The following SLC35F1 variants were observed in gnomAD, a reference collection of about 807,000 sequenced individuals.
The protein encoded by SLC35F1 is solute carrier family 35 member F1, also known as chromosome 6 open reading frame 169.
Under a neutral mutation model 48.7 loss-of-function variants are expected in SLC35F1, and 14 were observed. The observed-to-expected ratio is 0.29, with a 90% CI of 0.19 to 0.45. The LOEUF is 0.45. Ranked by LOEUF, SLC35F1 falls within the 20% of genes least tolerant of loss-of-function variation. SLC35F1 has a pLI of 1.00. For synonymous variants in SLC35F1, 190 were observed against 202.2 expected (o/e 0.94, Z 0.51); for missense variants, 404 against 500.0 (o/e 0.81, Z 1.83).
intron 4 of SLC35F1, among the ~76,000 whole-genome samples, chr6:118,273,007 G>A (rs1279558368): frequency 2.0e-5 from 3 of 148,464 alleles, no homozygotes; most frequent in Admixed American, 1.3e-4. Context: ...TATATGTATA[G>A]GTACCTACTT....
At chr6:118,281,763 G>A (rs1372582409) in intron 6 of SLC35F1, among the ~76,000 whole-genome samples, 1 of 152,098 alleles carries the variant, frequency 6.6e-6, no homozygotes, top group African/African-American at 2.4e-5. Flanking sequence ...TCACCCATTT[G>A]AACACCTTTG....
chr6:118,021,236 T>C (rs1326492686), intron 1 of SLC35F1, among the ~76,000 whole-genome samples: 1 of 152,098 alleles, frequency 6.6e-6, no homozygotes, highest in Non-Finnish European at 1.5e-5. Context: ...TTTTAGAGAT[T>C]GAGTAGAGTA....
intron 3 of SLC35F1, among the ~76,000 whole-genome samples, chr6:118,236,393 C>T (rs1405790084): frequency 6.6e-6 from 1 of 152,094 alleles, no homozygotes; most frequent in Non-Finnish European, 1.5e-5. Flanking sequence ...TAATTCCATA[C>T]CATTGCAAAG....
intron 1 of SLC35F1, among the ~76,000 whole-genome samples, chr6:117,908,340 C>T (rs932961391): frequency 6.6e-6 from 1 of 152,198 alleles, no homozygotes; most frequent in African/African-American, 2.4e-5. Context: ...TCGTGCTGTC[C>T]TCCGCCCCGC....
intron 1 of SLC35F1, among the ~76,000 whole-genome samples, chr6:117,983,133 A>T (rs1043072455): frequency 9.2e-5 from 14 of 152,144 alleles, no homozygotes; most frequent in African/African-American, 3.4e-4. Context: ...AGAAAAATAT[A>T]ATTTTTCCCT....
At chr6:117,907,932 G>A (rs1582554983) in intron 1 of SLC35F1, 33 bp downstream of exon 1, 2 of 1,298,304 alleles carry the variant, frequency 1.5e-6, no homozygotes, top group Non-Finnish European at 9.7e-7. Flanking sequence ...GGCGCGGGGG[G>A]CGGGGGCTGC....
At chr6:118,043,306 G>C (rs189668990) in intron 1 of SLC35F1, among the ~76,000 whole-genome samples, 1 of 151,552 alleles carries the variant, frequency 6.6e-6, no homozygotes, top group East Asian at 2.0e-4. Context: ...AAGCTCATTG[G>C]TTAAGTGCCA....
intron 2 of SLC35F1, among the ~76,000 whole-genome samples, chr6:118,217,903 T>C (rs1775096771): frequency 6.6e-6 from 1 of 152,192 alleles, no homozygotes; most frequent in Admixed American, 6.5e-5. Flanking sequence ...ATTTACCTGA[T>C]AATGCCAGCC....
chr6:118,227,333 T>G (rs938720575), intron 2 of SLC35F1, among the ~76,000 whole-genome samples: 2 of 152,012 alleles, frequency 1.3e-5, no homozygotes, highest in Non-Finnish European at 2.9e-5. Context: ...TCAAGAGGAG[T>G]TGCTCAAAAA....
At chr6:118,042,768 G>C (rs1772244323) in intron 1 of SLC35F1, among the ~76,000 whole-genome samples, 1 of 152,128 alleles carries the variant, frequency 6.6e-6, no homozygotes, top group Non-Finnish European at 1.5e-5. Flanking sequence ...AACAGGAAGG[G>C]CTCGATCTAA....
intron 1 of SLC35F1, among the ~76,000 whole-genome samples, chr6:118,038,437 G>A (rs548223241): frequency 3.9e-5 from 6 of 151,970 alleles, no homozygotes; most frequent in East Asian, 1.9e-4. Flanking sequence ...TTTTGGTAGG[G>A]ATTGTGTCAA....
intron 6 of SLC35F1, among the ~76,000 whole-genome samples, chr6:118,283,710 A>C (rs185957908): frequency 2.6e-5 from 4 of 152,316 alleles, no homozygotes; most frequent in African/African-American, 9.6e-5. Context: ...TTTAAGGAGT[A>C]CCAAATTAAT....
At chr6:118,134,685 G>A (rs966906936) in intron 1 of SLC35F1, among the ~76,000 whole-genome samples, 1 of 152,184 alleles carries the variant, frequency 6.6e-6, no homozygotes, top group African/African-American at 2.4e-5. Flanking sequence ...GACCCTTTGA[G>A]GCAAGCCTTT....
chr6:118,193,767 A>G (rs940471532), intron 2 of SLC35F1, among the ~76,000 whole-genome samples: 1 of 152,180 alleles, frequency 6.6e-6, no homozygotes, highest in East Asian at 1.9e-4. Flanking sequence ...CAGCATAGCT[A>G]GGGGTGTGGC....
chr6:118,098,946 AT>A (rs1222672588), intron 1 of SLC35F1, among the ~76,000 whole-genome samples: 2 of 152,140 alleles, frequency 1.3e-5, no homozygotes, highest in Non-Finnish European at 2.9e-5. Flanking sequence ...TGTTTGGCCT[AT>A]TTTATAAGGT....
At chr6:117,977,279 C>T (rs1346779254) in intron 1 of SLC35F1, among the ~76,000 whole-genome samples, 1 of 151,732 alleles carries the variant, frequency 6.6e-6, no homozygotes. Context: ...CCACTGCAAC[C>T]TCTGCCTCCC....
intron 7 of SLC35F1, among the ~76,000 whole-genome samples, chr6:118,306,165 C>A (rs1776309240): frequency 6.6e-6 from 1 of 151,714 alleles, no homozygotes; most frequent in Admixed American, 6.6e-5. Flanking sequence ...CATGAGGAGC[C>A]CAAAATGGCC....
At chr6:118,027,922 G>A (rs1238491232) in intron 1 of SLC35F1, among the ~76,000 whole-genome samples, 1 of 152,024 alleles carries the variant, frequency 6.6e-6, no homozygotes, top group African/African-American at 2.4e-5. Flanking sequence ...CTATCTAAGA[G>A]TTCTTTCCCT....
chr6:118,084,754 C>T (rs73512490), intron 1 of SLC35F1, among the ~76,000 whole-genome samples: 4,377 of 151,838 alleles, frequency 0.029, 153 homozygotes, highest in African/African-American at 0.075. Flanking sequence ...GGGCAGGGGT[C>T]GGAGGTGGAC....
Sources: allele counts gnomAD v4.1 joint callset (sites outside exome capture counted in the v4.1 genomes callset), GRCh38; gene constraint gnomAD v4.1.1; transcripts MANE v1.5; gene names NCBI Gene and HGNC (gene_info 2026-07-23, HGNC 2026-07-21).